The following ZNF438 variants were observed in gnomAD, a reference collection of about 807,000 sequenced individuals.
ZNF438 encodes the protein zinc finger protein 438.
A neutral mutation model predicts 38.0 loss-of-function variants in ZNF438; 25 were observed. The ratio of observed to expected loss-of-function variants is 0.66; its 90% confidence interval spans 0.48 to 0.92. The LOEUF is 0.92. ZNF438 is among the 40% of genes least tolerant of loss of function. The pLI is 0.00. For missense variants in ZNF438, 1,007 were observed against 999.6 expected (o/e 1.01, Z -0.10); for synonymous variants, 372 against 364.1 (o/e 1.02, Z -0.25).
At chr10:30,982,302 C>T (rs1220948165) in intron 1 of ZNF438, among the ~76,000 whole-genome samples, 1 of 151,882 alleles carries the variant, frequency 6.6e-6, no homozygotes, top group African/African-American at 2.4e-5. Flanking sequence ...GGGGTTTCTC[C>T]ATGTTAGCCG....
chr10:30,870,966 A>C (rs894876433), intron 4 of ZNF438, among the ~76,000 whole-genome samples: 1 of 152,232 alleles, frequency 6.6e-6, no homozygotes, highest in African/African-American at 2.4e-5. Context: ...ACCAGAGCTC[A>C]GCTGTCCAGA....
intron 4 of ZNF438, among the ~76,000 whole-genome samples, chr10:30,876,700 T>C (rs955360785): frequency 6.6e-6 from 1 of 152,136 alleles, no homozygotes; most frequent in Admixed American, 6.5e-5. Flanking sequence ...ATTTTACTGA[T>C]ATCTGTTAGT....
intron 4 of ZNF438, among the ~76,000 whole-genome samples, chr10:30,852,418 G>C (rs2033826573): frequency 6.6e-6 from 1 of 151,930 alleles, no homozygotes; most frequent in Non-Finnish European, 1.5e-5. Context: ...ATGTTGGTCA[G>C]GCTGGTCTCG....
intron 3 of ZNF438, among the ~76,000 whole-genome samples, chr10:30,892,399 T>C (rs2134045194): frequency 6.6e-6 from 1 of 152,346 alleles, no homozygotes; most frequent in African/African-American, 2.4e-5. Context: ...TATGTGAATG[T>C]GGTCTCTATC....
chr10:30,951,083 G>T (rs2048134517), intron 1 of ZNF438, among the ~76,000 whole-genome samples: 1 of 142,782 alleles, frequency 7.0e-6, no homozygotes, highest in Admixed American at 7.1e-5. Flanking sequence ...GGGATGCAAG[G>T]CTGGTTCAAT....
Position 30,865,708 on chromosome 10 carries a change from G to A in ZNF438, c.37+11290C>T, listed in dbSNP as rs575586959. 1.3e-4 allele frequency among the ~76,000 whole-genome samples: 20 copies of A among 152,326 alleles called. No homozygotes were observed. In the South Asian group the frequency reaches 4.1e-3, roughly 32 times the overall value. On this transcript the variant is annotated intron_variant, in intron 4 of 5. Transcript: ENST00000413025. ...GAATTTTCTTTTTGCGGAAGGCTGG[G>A]GGAGGAGTTCCTCAGAGAAAACAAG...
At chr10:30,857,710 G>A (rs1356373596) in intron 4 of ZNF438, 2 of 1,505,252 alleles carry the variant, frequency 1.3e-6, no homozygotes, top group South Asian at 1.3e-5. Context: ...ATCCAGAAAG[G>A]CTGTTGGATA....
At chr10:30,876,929 A>G in intron 4 of ZNF438, 69 bp downstream of exon 5, 1 of 1,234,286 alleles carries the variant, frequency 8.1e-7, no homozygotes, top group Non-Finnish European at 1.1e-6. Context: ...TTAGAGGTCA[A>G]TGACATTCAA....
Position 31,009,550 on chromosome 10 carries a change from C to T in ZNF438, c.-192+22283G>A, listed in dbSNP as rs79369825. Among the ~76,000 whole-genome samples the T allele has an allele frequency of 6.9e-3, 1,056 of 152,264 alleles. 12 individuals are homozygous for T. The highest frequency in any genetic ancestry group is 0.024 in the African/African-American group (1,010 of 41,542). Reference sequence around the variant, plus strand: ...ATTATATGTGAGGTGCTGCACTACTCCTAGCTCACGTGCATCCATGAACAT... The same window carrying T: ...ATTATATGTGAGGTGCTGCACTACTTCTAGCTCACGTGCATCCATGAACAT... On this transcript the variant is annotated intron_variant, in intron 1 of 5. Coordinates refer to ENST00000413025, the Ensembl canonical transcript of ZNF438.
chr10:30,855,570 ATG>A (rs764270708), intron 4 of ZNF438, among the ~76,000 whole-genome samples: 65 of 152,330 alleles, frequency 4.3e-4, no homozygotes, highest in Admixed American at 7.8e-4. Flanking sequence ...AACTAAACCA[ATG>A]TGTTAGTAGA....
chr10:30,849,586 T>C (rs1322583482), exon 5 of ZNF438: 8 of 1,614,192 alleles, frequency 5.0e-6, no homozygotes, highest in Non-Finnish European at 6.8e-6. Context: ...GAATGGTTGG[T>C]GATAAATTGG....
intron 3 of ZNF438, among the ~76,000 whole-genome samples, chr10:30,885,971 C>T (rs545445842): frequency 2.6e-5 from 4 of 152,224 alleles, no homozygotes; most frequent in African/African-American, 9.6e-5. Context: ...GTGGACAGGA[C>T]TAGGACCAGT....
At chr10:30,922,148 G>A (rs894318946) in intron 2 of ZNF438, among the ~76,000 whole-genome samples, 3 of 152,114 alleles carry the variant, frequency 2.0e-5, no homozygotes, top group Admixed American at 6.5e-5. Context: ...TACTTACAGG[G>A]ATTACCTCTT....
rs1226867055 is a variant in ZNF438 at position 31,024,286 on chromosome 10, T to C, written c.-192+7547A>G. On this transcript the variant is annotated intron_variant, in intron 1 of 5. Transcript: ENST00000413025. ...AGAGTAATAACTCTATTTCACAGTA[T>C]TGTCAAGAAGATTAAATGGGATAAC... Among the ~76,000 whole-genome samples, 6 of 152,184 alleles carry C rather than the reference T, an allele frequency of 3.9e-5. 1 individual carries two copies. The highest frequency in any genetic ancestry group is 2.6e-4 in the Admixed American group (4 of 15,284).
chr10:30,885,526 CT>C (rs1374911648), intron 3 of ZNF438, among the ~76,000 whole-genome samples: 8 of 152,188 alleles, frequency 5.3e-5, no homozygotes, highest in African/African-American at 1.9e-4. Flanking sequence ...AGGATCTGCA[CT>C]GTTATCATCA....
rs547768860 is a variant in ZNF438, at chr10:30,996,827, AT to A, written c.-192+35005del. 3.9e-5 allele frequency among the ~76,000 whole-genome samples: 6 copies of A among 152,282 alleles called. No homozygotes were observed. In the South Asian group the frequency reaches 1.2e-3, roughly 32 times the overall value. On this transcript the variant is annotated intron_variant, in intron 1 of 5. Coordinates refer to ENST00000413025, the Ensembl canonical transcript of ZNF438. ...AAACAACCTTCAATAATTTAAAGAG[AT>A]TAATCACACAAAGAATGTTCTCTGA... is the stretch of plus-strand genomic sequence containing the variant.
chr10:30,870,028 CA>C (rs1416526964), intron 4 of ZNF438, among the ~76,000 whole-genome samples: 1 of 152,124 alleles, frequency 6.6e-6, no homozygotes, highest in African/African-American at 2.4e-5. Flanking sequence ...TGGTCACCTT[CA>C]AATAATATGT....
chr10:30,874,562 T>A (rs569129896), intron 4 of ZNF438, among the ~76,000 whole-genome samples: 2 of 152,240 alleles, frequency 1.3e-5, no homozygotes, highest in East Asian at 3.9e-4. Context: ...AATGAATGAG[T>A]AAATTAATGA....
intron 3 of ZNF438, among the ~76,000 whole-genome samples, chr10:30,898,179 G>A (rs1043901683): frequency 1.3e-5 from 2 of 151,932 alleles, no homozygotes; most frequent in Non-Finnish European, 2.9e-5. Flanking sequence ...AGGAAGAATT[G>A]GAAAGAAAAA....
Sources: gnomAD v4.1 joint callset for allele counts (sites outside exome capture counted in the v4.1 genomes callset) on GRCh38, gnomAD v4.1.1 for gene constraint, MANE v1.5 for transcripts, NCBI Gene and HGNC (gene_info 2026-07-23, HGNC 2026-07-21) for gene names.